The following DYRK1A variants were observed in gnomAD, a reference collection of about 807,000 sequenced individuals.
DYRK1A encodes the protein dual specificity tyrosine-phosphorylation-regulated kinase 1A.
A neutral mutation model predicts 79.7 loss-of-function variants in DYRK1A; 9 were observed. The observed-to-expected ratio is 0.11, with a 90% CI of 0.07 to 0.20. DYRK1A has a LOEUF of 0.20. DYRK1A is among the 10% of genes least tolerant of loss of function. The probability of loss-of-function intolerance (pLI) is 1.00; values close to 1 mark genes in which losing one functional copy is unlikely to be tolerated. For synonymous variants in DYRK1A, 349 were observed against 329.7 expected, an observed-to-expected ratio of 1.06 and a Z score of -0.63; for missense variants, 622 against 956.0, an observed-to-expected ratio of 0.65 and a Z score of 4.61.
At chr21:37,423,974 T>C (rs1432901803) in intron 2 of DYRK1A, among the ~76,000 whole-genome samples, 2 of 152,164 alleles carry the variant, frequency 1.3e-5, no homozygotes, top group Non-Finnish European at 2.9e-5. Context: ...TAGGACAAAA[T>C]TTTCATATTT....
In DYRK1A at chr21:37,520,689, A is replaced by G. The variant is rs1196098202; in HGVS notation, c.*8158A>G. On this transcript the variant is annotated 3_prime_UTR_variant, in exon 12 of 12. Coordinates refer to ENST00000647188, the MANE Select transcript of DYRK1A (RefSeq NM_001347721.2). ...ACTGTTCACTTCAGGTAGATAAGATATTTCTGGGAGAAGTAAATTGGATGA... is the reference window on the plus strand; with the variant it reads ...ACTGTTCACTTCAGGTAGATAAGATGTTTCTGGGAGAAGTAAATTGGATGA... 1 of 152,238 alleles carries G rather than the reference A, an allele frequency of 6.6e-6. No individual in the cohort carries two copies. Among genetic ancestry groups the G allele is most frequent in the Non-Finnish European group, 1.5e-5 (1 of 68,046 alleles). 9.4% of individuals were successfully genotyped at this position (152,238 alleles called of 1,614,324 possible). A position where few individuals can be genotyped will look rare whatever the true frequency, so the allele number is the denominator to read the frequency against.
rs1044724437 is a variant in DYRK1A, at chr21:37,514,597, G to C, written c.*2066G>C. 2 of 152,550 alleles carry C rather than the reference G, an allele frequency of 1.3e-5. No homozygotes were observed. Among genetic ancestry groups the C allele is most frequent in the African/African-American group, 4.8e-5 (2 of 41,418 alleles). The allele number at this position is 152,550 out of a possible 1,614,324, so 9.4% of individuals were successfully genotyped here. On this transcript the variant is annotated 3_prime_UTR_variant, in exon 12 of 12. Coordinates refer to ENST00000647188, the MANE Select transcript of DYRK1A (RefSeq NM_001347721.2). The stretch of plus-strand genomic sequence containing the variant: ...GAAAGGCTAAACACTATGTAAATGT[G>C]AATGGAAACTTGGAAATACTCGTTT...
intron 2 of DYRK1A, among the ~76,000 whole-genome samples, chr21:37,465,131 G>C (rs1219489623): frequency 6.6e-6 from 1 of 152,174 alleles, no homozygotes; most frequent in Non-Finnish European, 1.5e-5. Flanking sequence ...TCCTGTACTG[G>C]TGGCTTAATC....
At chr21:37,368,067 G>T in intron 1 of DYRK1A, 1 of 153,188 alleles carries the variant, frequency 6.5e-6, no homozygotes, top group South Asian at 1.9e-4. Context: ...CACGGGTTAA[G>T]AAAATGGGGC....
At chr21:37,397,989 G>T (rs2049985840) in intron 1 of DYRK1A, among the ~76,000 whole-genome samples, 2 of 151,430 alleles carry the variant, frequency 1.3e-5, no homozygotes, top group South Asian at 4.2e-4. Context: ...TGTAATCCCA[G>T]CAAACTTTGG....
At chr21:37,461,967 G>A (rs796861347) in intron 2 of DYRK1A, among the ~76,000 whole-genome samples, 4 of 150,320 alleles carry the variant, frequency 2.7e-5, no homozygotes, top group African/African-American at 7.3e-5. Flanking sequence ...TATTAGGTCC[G>A]TTCAGTGAAT....
At chr21:37,391,509 G>A (rs534668651) in intron 1 of DYRK1A, among the ~76,000 whole-genome samples, 7 of 152,180 alleles carry the variant, frequency 4.6e-5, no homozygotes, top group African/African-American at 1.7e-4. Flanking sequence ...AGAGGTAAAT[G>A]TATGGATTAT....
intron 1 of DYRK1A, chr21:37,419,557 T>C (rs1308855242): frequency 6.6e-6 from 1 of 152,208 alleles, no homozygotes; most frequent in East Asian, 1.9e-4. Context: ...TTAAATTCGA[T>C]AGTATCAATT....
At chr21:37,451,767 T>C (rs2051460983) in intron 2 of DYRK1A, among the ~76,000 whole-genome samples, 1 of 152,178 alleles carries the variant, frequency 6.6e-6, no homozygotes, top group Non-Finnish European at 1.5e-5. Context: ...TTAGAACATA[T>C]CCTCATGGTT....
intron 2 of DYRK1A, among the ~76,000 whole-genome samples, 173 bp downstream of exon 2, chr21:37,420,557 A>G (rs1403251826): frequency 6.6e-6 from 1 of 152,154 alleles, no homozygotes; most frequent in African/African-American, 2.4e-5. Context: ...ACTCAGATTG[A>G]TAATCAGTGA....
At chr21:37,508,737 T>G (rs1305375245) in intron 11 of DYRK1A, among the ~76,000 whole-genome samples, 1 of 152,216 alleles carries the variant, frequency 6.6e-6, no homozygotes, top group Non-Finnish European at 1.5e-5. Flanking sequence ...CTAATTCATT[T>G]TTCACTTTGT....
rs989410705 is a variant in DYRK1A, at chr21:37,517,856, T to TA, written c.*5326dup. ...TAACTCCCTCTGAAATGAAAGAAAA[T>TA]ACCTCTAGTGGCATGAAACGGCTAA... On this transcript the variant is annotated 3_prime_UTR_variant, in exon 12 of 12. Coordinates refer to ENST00000647188, the MANE Select transcript of DYRK1A (RefSeq NM_001347721.2). 1.1e-4 allele frequency: 16 copies of TA among 152,112 alleles called. No homozygotes were observed. Among genetic ancestry groups the TA allele is most frequent in the African/African-American group, 3.9e-4 (16 of 41,412 alleles). 9.4% of individuals were successfully genotyped at this position (152,112 alleles called of 1,614,324 possible).
intron 2 of DYRK1A, among the ~76,000 whole-genome samples, chr21:37,465,187 T>C (rs752880189): frequency 6.6e-6 from 1 of 152,182 alleles, no homozygotes; most frequent in African/African-American, 2.4e-5. Context: ...TAACTAGTTA[T>C]GATAGGTGTT....
At chr21:37,425,510 CATTGTAAAATTGA>C (rs909552183) in intron 2 of DYRK1A, among the ~76,000 whole-genome samples, 35 of 152,196 alleles carry the variant, frequency 2.3e-4, no homozygotes, top group African/African-American at 8.4e-4. Context: ...AGGTAAGCCA[CATTGTAAAATTGA>C]ATTTTTTACC....
At chr21:37,409,359 C>A (rs181419415) in intron 1 of DYRK1A, among the ~76,000 whole-genome samples, 1 of 152,106 alleles carries the variant, frequency 6.6e-6, no homozygotes, top group African/African-American at 2.4e-5. Context: ...AGGCTGGCTC[C>A]GGAGCATCAC....
At chr21:37,511,271 A>AAGTT (rs1168167006) in intron 11 of DYRK1A, among the ~76,000 whole-genome samples, 4 of 152,192 alleles carry the variant, frequency 2.6e-5, no homozygotes, top group Admixed American at 2.6e-4. Flanking sequence ...GAAGTCATTA[A>AAGTT]AGGATTTTAA....
chr21:37,511,737 C>T (rs888970399), intron 11 of DYRK1A, among the ~76,000 whole-genome samples, 174 bp from the exon 12 acceptor site: 2 of 152,084 alleles, frequency 1.3e-5, no homozygotes, highest in Admixed American at 1.3e-4. Flanking sequence ...ATTTTTTGCC[C>T]TTGAATGTAT....
chr21:37,498,019 A>G (rs896952989), intron 9 of DYRK1A, among the ~76,000 whole-genome samples: 2 of 152,202 alleles, frequency 1.3e-5, no homozygotes, highest in African/African-American at 4.8e-5. Context: ...CAAATGGTAC[A>G]CTAAGAATTT....
At chr21:37,508,493 G>A (rs934395026) in intron 11 of DYRK1A, among the ~76,000 whole-genome samples, 3 of 152,122 alleles carry the variant, frequency 2.0e-5, no homozygotes, top group Non-Finnish European at 4.4e-5. Context: ...TGCCACGTTG[G>A]CCAGGCTGGT....
Sources: gnomAD v4.1 joint callset for allele counts (sites outside exome capture counted in the v4.1 genomes callset) on GRCh38, gnomAD v4.1.1 for gene constraint, MANE v1.5 for transcripts, NCBI Gene and HGNC (gene_info 2026-07-23, HGNC 2026-07-21) for gene names.